Variants in MYH2 observed in about 807,000 individuals in gnomAD.
The protein encoded by MYH2 is myosin heavy chain 2.
A neutral mutation model predicts 228.1 loss-of-function variants in MYH2; 139 were observed. That is an observed-to-expected ratio of 0.61 (90% CI 0.53 to 0.70). The LOEUF (loss-of-function observed/expected upper bound fraction) is 0.70. Among genes scored for constraint, MYH2 ranks in the 30% least tolerant of loss-of-function variants. The pLI, the probability that MYH2 is intolerant of heterozygous loss-of-function variation, is 0.00. For synonymous variants in MYH2, 796 were observed against 871.1 expected (o/e 0.91, Z 1.52); for missense variants, 1,809 against 2,357.5 (o/e 0.77, Z 4.82).
At position 10,524,899 on chromosome 17, in the gene MYH2, T is replaced by G; in HGVS notation, c.4829A>C (p.Glu1610Ala). The G allele has an allele frequency of 6.2e-7, 1 of 1,614,114 alleles. No homozygotes were observed. The highest frequency in any genetic ancestry group is 1.3e-5 in the African/African-American group (1 of 75,026). The change falls in exon 34 of 40, where the codon GAG becomes GCG. Residue 1610 changes from glutamate (E) to alanine (A), a missense_variant. By Grantham distance (107) the Glu-to-Ala change is moderately radical. Transcript: ENST00000245503. The surrounding 1 kb of genome is among the most constrained non-coding windows in gnomAD (Gnocchi z 4.7). ...AATGGCATCATTCCTACTCCTGATCTCAGCATCCAGCGTGCTCTGCATGGA... is the reference window on the plus strand; with the variant it reads ...AATGGCATCATTCCTACTCCTGATCGCAGCATCCAGCGTGCTCTGCATGGA... ...VESMQSTLDA[E>A]IRSRNDAIRL...
intron 39 of MYH2, among the ~76,000 whole-genome samples, chr17:10,522,866 C>G (rs1312138832): frequency 6.6e-6 from 1 of 151,198 alleles, no homozygotes; most frequent in African/African-American, 2.4e-5. Context: ...GAGAATATGG[C>G]CTGTATTATT....
At position 10,529,358 on chromosome 17, in the gene MYH2, G is replaced by T; in HGVS notation, c.3241C>A (p.Gln1081Lys). The T allele has an allele frequency of 1.2e-6, 2 of 1,613,932 alleles. No individual in the cohort carries two copies. The highest frequency in any genetic ancestry group is 1.7e-6 in the Non-Finnish European group (2 of 1,180,034). ...SIMDIENEKQ[Q>K]LDEKLKKKEF... ...TACTTTTTGAGCTTTTCATCAAGTT[G>T]CTGTTTCTCATTTTCAATGTCCATT... Residue 1081 changes from glutamine (Q) to lysine (K), a missense_variant, in exon 25 of 40, where the codon CAA (glutamine) becomes AAA (lysine). Physicochemically the swap from Gln to Lys is moderately conservative, Grantham distance 53 (BLOSUM62 1). Around this residue, in one of 9 missense-constraint regions of MYH2, gnomAD observed 636 missense variants for 729.9 expected, o/e 0.87. Transcript: ENST00000245503.
rs1226573854 is a variant in MYH2, at chr17:10,528,924, G to A, written c.3510C>T (p.Asn1170=). Residue 1170 remains asparagine (N), a synonymous_variant, in exon 27 of 40, where the codon AAC becomes AAT. Transcript: ENST00000245503. ...TCTGGAACTCAGCCTCCCGCTTCTT[G>A]TTCATCTCAATCTGGGCTGAAGTGG... ...GGATSAQIEM[N]KKREAEFQKM... 6.2e-7 allele frequency: 1 copy of A among 1,614,180 alleles called. No individual in the cohort carries two copies. The highest frequency in any genetic ancestry group is 1.1e-5 in the South Asian group (1 of 91,078).
In MYH2 at chr17:10,529,007, A is replaced by G. The variant is rs755044105; in HGVS notation, c.3427T>C (p.Ser1143Pro). 6.2e-7 allele frequency: 1 copy of G among 1,614,176 alleles called. No homozygotes were observed. Among genetic ancestry groups the G allele is most frequent in the South Asian group, 1.1e-5 (1 of 91,076 alleles). Residue 1143 changes from serine to proline, a missense_variant, in exon 27 of 40, where the codon TCT (serine) becomes CCT (proline). By Grantham distance (74) the Ser-to-Pro change is moderately conservative. This residue lies in a region of MYH2 where 636 missense variants were observed against 729.9 expected (regional missense o/e 0.87). Coordinates refer to ENST00000245503, the MANE Select transcript of MYH2 (RefSeq NM_017534.6). Reference protein sequence around the residue: ...ASRAKAEKQRSDLSRELEEIS... With the variant: ...ASRAKAEKQRPDLSRELEEIS... ...TCCTCCAGCTCCCGGGAGAGGTCAG[A>G]GCGCTGCTTCTCTGCTTTGGCCCGG... is the stretch of plus-strand genomic sequence containing the variant.
chr17:10,523,277 G>A (rs1399030620), intron 38 of MYH2, 31 bp downstream of exon 38: 4 of 1,612,820 alleles, frequency 2.5e-6, no homozygotes, highest in Non-Finnish European at 1.7e-6. Context: ...ACTTCGACCA[G>A]TGCTTAGCCG....
chr17:10,526,376 G>A (rs1331621853), intron 30 of MYH2, among the ~76,000 whole-genome samples: 1 of 152,188 alleles, frequency 6.6e-6, no homozygotes, highest in Non-Finnish European at 1.5e-5. Flanking sequence ...AATTATCAGT[G>A]TAATTATTTG....
At chr17:10,548,022 G>T (rs2073657493) in intron 2 of MYH2, 82 bp from the exon 3 acceptor site, 1 of 1,236,516 alleles carries the variant, frequency 8.1e-7, no homozygotes, top group East Asian at 2.5e-5. Context: ...GTATTTCATA[G>T]GCCCAGTTGG....
Position 10,539,993 on chromosome 17 carries a change from T to A in MYH2, c.1082A>T (p.His361Leu), listed in dbSNP as rs139478967. The change falls in exon 12 of 40, where the codon CAT (histidine) becomes CTT (leucine). Residue 361 changes from histidine (H) to leucine (L), a missense_variant. This residue lies in a region of MYH2 where 373 missense variants were observed against 620.4 expected (regional missense o/e 0.60). Coordinates refer to ENST00000245503, the MANE Select transcript of MYH2 (RefSeq NM_017534.6). Reference protein sequence around the residue: ...SIYKLTGAVMHYGNLKFKQKQ... With the variant: ...SIYKLTGAVMLYGNLKFKQKQ... Reference sequence around the variant, plus strand: ...TTGCTTAAATTTTAGGTTCCCATAATGCATCACAGCCCCCGTGAGCTTGTA... The same window carrying A: ...TTGCTTAAATTTTAGGTTCCCATAAAGCATCACAGCCCCCGTGAGCTTGTA... The A allele has an allele frequency of 3.7e-5, 60 of 1,614,110 alleles. No individual in the cohort carries two copies. In the African/African-American group the frequency reaches 7.7e-4, roughly 21 times the overall value.
intron 5 of MYH2, 47 bp from the exon 6 acceptor site, chr17:10,544,174 G>C: frequency 6.3e-7 from 1 of 1,595,864 alleles, no homozygotes. Context: ...TTACATATTT[G>C]TAAATGATAA....
chr17:10,546,674 G>A (rs2073637861), intron 4 of MYH2, among the ~76,000 whole-genome samples: 1 of 151,870 alleles, frequency 6.6e-6, no homozygotes, highest in African/African-American at 2.4e-5. Context: ...TGGGGAAGTG[G>A]GAGAGGTTTC....
Position 10,528,604 on chromosome 17 carries a change from C to T in MYH2, c.3744+86G>A, listed in dbSNP as rs541522838. The T allele has an allele frequency of 4.4e-6, 7 of 1,593,296 alleles. No individual in the cohort carries two copies. In the Admixed American group the frequency reaches 6.7e-5, roughly 15 times the overall value. On this transcript the variant is annotated intron_variant, in intron 27 of 39. Transcript: ENST00000245503. ...CTGAATTACTGCAGTTAACAAATGA[C>T]TTAATGTGTAAAAAGTGCCCTGTGC...
rs755412365 is a variant in MYH2 at position 10,539,283 on chromosome 17, G to T, written c.1338C>A (p.Ile446=). 11 of 1,614,214 alleles carry T rather than the reference G, an allele frequency of 6.8e-6. No homozygotes were observed. In the South Asian group the frequency reaches 1.1e-4, roughly 16 times the overall value. The change falls in exon 14 of 40, where the codon ATC becomes ATA. Residue 446 remains isoleucine, a synonymous_variant. Coordinates refer to ENST00000245503, the MANE Select transcript of MYH2 (RefSeq NM_017534.6). ...GCTGCTTGGTGTCCAGCTGCTGGTT[G>T]ATGCGGGCAACCATCCACAGGAACA... ...EKMFLWMVAR[I]NQQLDTKQPR...
At chr17:10,534,931 CGAGACTT>C in intron 19 of MYH2, 135 bp downstream of exon 19, 3 of 1,077,630 alleles carry the variant, frequency 2.8e-6, no homozygotes, top group Admixed American at 1.8e-5. Context: ...CAAAAGTGTT[CGAGACTT>C]GAGACTTGTA....
At position 10,535,170 on chromosome 17, in the gene MYH2, C is replaced by A; in HGVS notation, c.2083G>T (p.Val695Phe). The A allele has an allele frequency of 1.2e-6, 2 of 1,614,182 alleles. No homozygotes were observed. Among genetic ancestry groups the A allele is most frequent in the Non-Finnish European group, 1.7e-6 (2 of 1,180,034 alleles). Residue 695 changes from valine (V) to phenylalanine (F), a missense_variant, in exon 19 of 40, where the codon GTC becomes TTC. Val to Phe is a conservative substitution (Grantham distance 50, BLOSUM62 -1). This residue lies in a region of MYH2 where 276 missense variants were observed against 344.2 expected (regional missense o/e 0.80). Coordinates refer to ENST00000245503, the MANE Select transcript of MYH2 (RefSeq NM_017534.6). ...KTPGAMEHEL[V>F]LHQLRCNGVL... ...CCGTTACACCTCAGCTGGTGGAGGACAAGCTCATGCTCCATGGCACCTAAA... is the reference window on the plus strand; with the variant it reads ...CCGTTACACCTCAGCTGGTGGAGGAAAAGCTCATGCTCCATGGCACCTAAA...
At chr17:10,538,792 A>G (rs538937538) in intron 14 of MYH2, among the ~76,000 whole-genome samples, 1 of 152,168 alleles carries the variant, frequency 6.6e-6, no homozygotes, top group African/African-American at 2.4e-5. Flanking sequence ...CTTCTTGAAA[A>G]CTATAATCAA....
At chr17:10,540,410 C>A (rs2073536854) in intron 11 of MYH2, among the ~76,000 whole-genome samples, 184 bp downstream of exon 11, 1 of 151,034 alleles carries the variant, frequency 6.6e-6, no homozygotes, top group African/African-American at 2.4e-5. Context: ...ATCTTTAGAA[C>A]AATGTAAGGG....
intron 27 of MYH2, among the ~76,000 whole-genome samples, chr17:10,528,320 A>C (rs1384348457): frequency 6.6e-6 from 1 of 152,156 alleles, no homozygotes; most frequent in African/African-American, 2.4e-5. Flanking sequence ...TATAGTGTAC[A>C]TTTTCTAAAA....
intron 14 of MYH2, among the ~76,000 whole-genome samples, chr17:10,538,946 T>A (rs1292778294): frequency 1.3e-5 from 2 of 152,222 alleles, no homozygotes; most frequent in Non-Finnish European, 2.9e-5. Flanking sequence ...TTTCTTAAAA[T>A]AGACCTTCAA....
chr17:10,549,078 A>G (rs552635372), intron 2 of MYH2, among the ~76,000 whole-genome samples: 142 of 152,362 alleles, frequency 9.3e-4, no homozygotes, highest in African/African-American at 3.1e-3. Flanking sequence ...ATTTTTATCA[A>G]ATTTGAGATT....
Sources: allele counts gnomAD v4.1 joint callset (sites outside exome capture counted in the v4.1 genomes callset), GRCh38; gene constraint gnomAD v4.1.1; regional missense constraint gnomAD v4.1.1; non-coding constraint Gnocchi (gnomAD v3.1); transcripts MANE v1.5; gene names NCBI Gene and HGNC (gene_info 2026-07-23, HGNC 2026-07-21).